The following LVRN variants were observed in gnomAD, a reference collection of about 807,000 sequenced individuals.
LVRN encodes aminopeptidase Q.
Under a neutral mutation model 111.4 loss-of-function variants are expected in LVRN, and 99 were observed. That is an observed-to-expected ratio of 0.89 (90% CI 0.76 to 1.05). The LOEUF is 1.05. Among genes scored for constraint, LVRN ranks in the 50% least tolerant of loss-of-function variants. LVRN has a pLI of 0.00. For missense variants in LVRN, 1,414 were observed against 1,206.8 expected, an observed-to-expected ratio of 1.17 and a Z score of -2.54; for synonymous variants, 488 against 449.5, an observed-to-expected ratio of 1.09 and a Z score of -1.08.
chr5:115,997,370 G>A (rs1014658926), intron 6 of LVRN, among the ~76,000 whole-genome samples: 1 of 152,128 alleles, frequency 6.6e-6, no homozygotes, highest in Non-Finnish European at 1.5e-5. Context: ...CTAAGGATAA[G>A]AGTAGATTTT....
intron 18 of LVRN, among the ~76,000 whole-genome samples, chr5:116,019,402 A>T (rs1748666615): frequency 6.6e-6 from 1 of 152,154 alleles, no homozygotes; most frequent in African/African-American, 2.4e-5. Context: ...TGATGAATAT[A>T]AACAGGCACA....
chr5:115,998,845 G>A (rs1748174905), intron 6 of LVRN, among the ~76,000 whole-genome samples: 1 of 152,192 alleles, frequency 6.6e-6, no homozygotes, highest in Non-Finnish European at 1.5e-5. Context: ...CGGAAAAGCA[G>A]AGTTTGATAA....
intron 18 of LVRN, chr5:116,022,121 T>C (rs535701123): frequency 6.7e-6 from 2 of 300,570 alleles, no homozygotes; most frequent in Non-Finnish European, 1.2e-5. Flanking sequence ...GTATTCCAAC[T>C]ACCTCATTTT....
chr5:115,998,412 TAAA>T (rs1561562830), intron 6 of LVRN, among the ~76,000 whole-genome samples: 1 of 152,144 alleles, frequency 6.6e-6, no homozygotes, highest in Non-Finnish European at 1.5e-5. Context: ...ATGAGCAAGA[TAAA>T]AAGTTTTTAC....
intron 4 of LVRN, among the ~76,000 whole-genome samples, chr5:115,988,780 A>T (rs1214808534): frequency 1.3e-5 from 2 of 152,108 alleles, no homozygotes; most frequent in African/African-American, 2.4e-5. Context: ...CCATTCAGAA[A>T]TCCTGGAGGA....
Position 115,983,427 on chromosome 5 carries a change from T to C in LVRN, c.836T>C (p.Leu279Pro). The part of the protein sequence containing the change: ...SYVALSNMPK[L>P]GQSEKEDVNG... ...GTGGCCCTTTCCAACATGCCAAAGC[T>C]AGGTAAGTAATGCTTTCTGTCTATA... Residue 279 changes from leucine (L) to proline (P), a missense_variant and splice_region_variant, in exon 2 of 20, where the codon CTA becomes CCA. Physicochemically the swap from Leu to Pro is moderately conservative, Grantham distance 98 (BLOSUM62 -3). Transcript: ENST00000357872. 6.3e-7 allele frequency: 1 copy of C among 1,596,972 alleles called. No homozygotes were observed. Among genetic ancestry groups the C allele is most frequent in the Non-Finnish European group, 8.5e-7 (1 of 1,174,690 alleles).
chr5:115,999,375 A>C (rs1051598134), intron 6 of LVRN, among the ~76,000 whole-genome samples: 4 of 152,192 alleles, frequency 2.6e-5, no homozygotes, highest in Non-Finnish European at 5.9e-5. Context: ...ATATTCATGA[A>C]AGAGAGACTG....
rs547173917 is a variant in LVRN at position 115,970,335 on chromosome 5, C to T, written c.695+7023C>T. Among the ~76,000 whole-genome samples the T allele has an allele frequency of 5.3e-5, 8 of 151,380 alleles. No individual in the cohort carries two copies. The East Asian group carries it at 5.8e-4, about 11-fold the overall frequency. On this transcript the variant is annotated intron_variant, in intron 1 of 19. Transcript: ENST00000357872. ...TATGAATAAAATCATACAATATGTA[C>T]TCTCATGTCTAACTTCTTTCGTTCA...
chr5:116,001,832 TTC>T (rs1748245222), intron 10 of LVRN, among the ~76,000 whole-genome samples: 1 of 152,198 alleles, frequency 6.6e-6, no homozygotes, highest in Non-Finnish European at 1.5e-5. Flanking sequence ...CTCTGTGAGT[TTC>T]AGTTGCCTTA....
At chr5:115,966,908 A>C (rs1395071353) in intron 1 of LVRN, among the ~76,000 whole-genome samples, 1 of 152,108 alleles carries the variant, frequency 6.6e-6, no homozygotes. Flanking sequence ...GATGTTAAAC[A>C]TTTTTTTGTG....
intron 1 of LVRN, among the ~76,000 whole-genome samples, chr5:115,971,941 T>C (rs1753336119): frequency 8.4e-6 from 1 of 119,014 alleles, no homozygotes; most frequent in Admixed American, 9.2e-5. Flanking sequence ...TATTGAAGCT[T>C]CTAACCCATA....
At chr5:116,019,537 T>G (rs186705915) in intron 18 of LVRN, among the ~76,000 whole-genome samples, 148 of 152,386 alleles carry the variant, frequency 9.7e-4, no homozygotes, top group Non-Finnish European at 1.6e-3. Context: ...CAGAATACTT[T>G]CATCCTTCCC....
At chr5:116,014,327 A>G (rs1430132005) in intron 15 of LVRN, 93 bp from the exon 16 acceptor site, 11 of 868,952 alleles carry the variant, frequency 1.3e-5, no homozygotes, top group South Asian at 1.6e-5. Flanking sequence ...ATTTAAAAAT[A>G]CCCATCTTTT....
chr5:116,000,498 G>A lies in LVRN; in HGVS notation c.1581G>A (p.Lys527=). 1.2e-6 allele frequency: 2 copies of A among 1,614,106 alleles called. No homozygotes were observed. The highest frequency in any genetic ancestry group is 1.7e-6 in the Non-Finnish European group (2 of 1,179,958). The change falls in exon 8 of 20, where the codon AAG becomes AAA. Residue 527 remains lysine, a splice_region_variant and synonymous_variant. Coordinates refer to ENST00000357872, the MANE Select transcript of LVRN (RefSeq NM_173800.5). ...LNEHLFVSAL[K]SYLKTFSYSN... ...AGCATTTATTTGTCAGTGCACTCAA[G>A]GTGAGTTTGCAAAATAGTCGTTACC...
In LVRN at chr5:115,984,666, T is replaced by C. The variant is rs773425570; in HGVS notation, c.935T>C (p.Ile312Thr). ...CCAACTTACTTAGTCGCATTTGTTA[T>C]ATGTGACTATGACCACGTCAACAGA... ...HMPTYLVAFV[I>T]CDYDHVNRTE... Residue 312 changes from isoleucine to threonine, a missense_variant, in exon 3 of 20, where the codon ATA becomes ACA. Coordinates refer to ENST00000357872, the MANE Select transcript of LVRN (RefSeq NM_173800.5). The C allele has an allele frequency of 1.2e-6, 2 of 1,613,674 alleles. No homozygotes were observed. Among genetic ancestry groups the C allele is most frequent in the Non-Finnish European group, 1.7e-6 (2 of 1,179,750 alleles).
intron 7 of LVRN, 45 bp from the exon 8 acceptor site, chr5:116,000,388 G>T (rs756000363): frequency 5.7e-6 from 9 of 1,589,048 alleles, no homozygotes; most frequent in Middle Eastern, 3.3e-4. Flanking sequence ...TCAGTATGTG[G>T]ATATTGAATT....
chr5:116,026,318 G>A lies in LVRN; in HGVS notation c.*200G>A. 1.5e-6 allele frequency: 1 copy of A among 661,768 alleles called. No individual in the cohort carries two copies. The highest frequency in any genetic ancestry group is 2.5e-6 in the Non-Finnish European group (1 of 405,628). The allele number at this position is 661,768 out of a possible 1,614,324, so 41.0% of individuals were successfully genotyped here. On this transcript the variant is annotated 3_prime_UTR_variant, in exon 20 of 20. Transcript: ENST00000357872. ...GATTGCTGACAATTTTGCCAATGCT[G>A]CTGTATTTCTGGGAAAGATGTCACT...
At chr5:115,981,595 C>T (rs1209789849) in intron 1 of LVRN, among the ~76,000 whole-genome samples, 1 of 152,130 alleles carries the variant, frequency 6.6e-6, no homozygotes, top group Non-Finnish European at 1.5e-5. Flanking sequence ...ACTAATTATA[C>T]CCTAGTTATT....
At chr5:115,994,565 G>C (rs10066614) in intron 6 of LVRN, among the ~76,000 whole-genome samples, 1 of 151,978 alleles carries the variant, frequency 6.6e-6, no homozygotes, top group Non-Finnish European at 1.5e-5. Context: ...GAGCTACCGC[G>C]CCCAACCTAG....
Sources: gnomAD v4.1 joint callset for allele counts (sites outside exome capture counted in the v4.1 genomes callset) on GRCh38, gnomAD v4.1.1 for gene constraint, MANE v1.5 for transcripts, NCBI Gene and HGNC (gene_info 2026-07-23, HGNC 2026-07-21) for gene names.